The following PCDH11X variants were observed in gnomAD, a reference collection of about 807,000 sequenced individuals.
The protein encoded by PCDH11X is protocadherin 11 X-linked, also known as protocadherin-11 X-linked.
In PCDH11X, 18 loss-of-function variants were observed where a neutral mutation model predicts 53.3. That is an observed-to-expected ratio of 0.34 (90% CI 0.23 to 0.50). The LOEUF (loss-of-function observed/expected upper bound fraction) is 0.50, where lower values mean the gene tolerates loss of function less well. PCDH11X is among the 20% of genes least tolerant of loss of function. The probability of loss-of-function intolerance (pLI) is 0.98; values close to 1 mark genes in which losing one functional copy is unlikely to be tolerated. For synonymous variants in PCDH11X, 279 were observed against 393.3 expected, an observed-to-expected ratio of 0.71 and a Z score of 3.44; for missense variants, 570 against 1,032.4, an observed-to-expected ratio of 0.55 and a Z score of 6.14.
intron 7 of PCDH11X, among the ~76,000 whole-genome samples, chrX:92,217,433 A>G (rs1384512034): frequency 3.0e-5 from 3 of 99,085 alleles, no homozygotes; most frequent in Non-Finnish European, 6.2e-5. Flanking sequence ...CTTTAAACCA[A>G]CAAAGATCAA....
At chrX:92,469,961 A>G (rs1257883338) in intron 10 of PCDH11X, among the ~76,000 whole-genome samples, 1 of 107,424 alleles carries the variant, frequency 9.3e-6, no homozygotes, top group Non-Finnish European at 1.9e-5. Flanking sequence ...ATTATTTTAC[A>G]GGGGTTTGCA....
chrX:92,138,282 G>A (rs1025346219), intron 6 of PCDH11X, among the ~76,000 whole-genome samples: 71 of 110,377 alleles, frequency 6.4e-4, no homozygotes, highest in Admixed American at 1.4e-3. Flanking sequence ...TTGATTCCTT[G>A]TCTTTGCTAT....
intron 6 of PCDH11X, among the ~76,000 whole-genome samples, chrX:92,148,264 C>G (rs2065365354): frequency 1.1e-5 from 1 of 91,469 alleles, no homozygotes; most frequent in Non-Finnish European, 2.1e-5. Flanking sequence ...GAGTCTTGCT[C>G]AGGCTGGAGG....
At chrX:92,421,561 G>T (rs1019432416) in intron 9 of PCDH11X, among the ~76,000 whole-genome samples, 5 of 111,533 alleles carry the variant, frequency 4.5e-5, no homozygotes, top group Non-Finnish European at 9.4e-5. Context: ...GAATAATGCT[G>T]CAATGAACAT....
At chrX:91,855,804 G>A (rs2524483) in intron 5 of PCDH11X, among the ~76,000 whole-genome samples, 3 of 111,156 alleles carry the variant, frequency 2.7e-5, no homozygotes, top group Admixed American at 1.9e-4. Flanking sequence ...CACATTGGTC[G>A]CTGTTGGCAT....
intron 6 of PCDH11X, among the ~76,000 whole-genome samples, chrX:92,158,409 C>T (rs1253375800): frequency 9.2e-6 from 1 of 108,620 alleles, no homozygotes; most frequent in Non-Finnish European, 1.9e-5. Flanking sequence ...ACTCAGGAGG[C>T]TGAGGCACAA....
intron 9 of PCDH11X, among the ~76,000 whole-genome samples, chrX:92,463,787 G>T (rs1324002668): frequency 9.0e-6 from 1 of 110,816 alleles, no homozygotes; most frequent in East Asian, 2.8e-4. Context: ...TTGAATAAAA[G>T]GGCAGAAAAT....
At chrX:92,529,108 T>C (rs918937580) in intron 10 of PCDH11X, among the ~76,000 whole-genome samples, 14 of 111,670 alleles carry the variant, frequency 1.3e-4, no homozygotes, top group Non-Finnish European at 2.3e-4. Context: ...TTTATGGGTT[T>C]ATAGGATGAA....
At chrX:92,534,662 A>G (rs955123182) in intron 10 of PCDH11X, among the ~76,000 whole-genome samples, 6 of 109,944 alleles carry the variant, frequency 5.5e-5, no homozygotes, top group African/African-American at 1.7e-4. Flanking sequence ...GAGAAAGGTC[A>G]GGTTACCCAC....
intron 6 of PCDH11X, among the ~76,000 whole-genome samples, chrX:91,927,336 G>A (rs771099408): frequency 1.0e-4 from 11 of 109,075 alleles, no homozygotes; most frequent in African/African-American, 3.6e-4. Flanking sequence ...GCTTTACATG[G>A]GTTAACTCAT....
intron 10 of PCDH11X, among the ~76,000 whole-genome samples, chrX:92,573,813 G>A (rs1922492720): frequency 9.3e-6 from 1 of 107,537 alleles, no homozygotes; most frequent in South Asian, 4.1e-4. Context: ...GCAGTCATGA[G>A]AATGTAAATT....
intron 8 of PCDH11X, among the ~76,000 whole-genome samples, chrX:92,309,612 T>C (rs188735417): frequency 1.6e-4 from 18 of 112,249 alleles, no homozygotes; most frequent in Admixed American, 4.7e-4. Context: ...ATGTACTTAA[T>C]GCTACTGAAG....
intron 9 of PCDH11X, among the ~76,000 whole-genome samples, chrX:92,406,170 G>A (rs1205566874): frequency 7.2e-4 from 77 of 106,329 alleles, no homozygotes; most frequent in Middle Eastern, 4.9e-3. Context: ...TTATTTATAT[G>A]CATATAGATG....
intron 6 of PCDH11X, among the ~76,000 whole-genome samples, chrX:92,043,726 G>A (rs1209808235): frequency 3.7e-5 from 4 of 107,210 alleles, no homozygotes; most frequent in African/African-American, 6.9e-5. Context: ...ATGTGTAACC[G>A]CCAGTGTACG....
intron 9 of PCDH11X, 116 bp downstream of exon 9, chrX:92,388,049 A>G (rs1603297530): frequency 1.9e-6 from 2 of 1,074,088 alleles, no homozygotes; most frequent in Admixed American, 2.5e-5. Context: ...ATAGTGACAC[A>G]TTTTTGAAAG....
intron 1 of PCDH11X, among the ~76,000 whole-genome samples, chrX:91,795,459 T>A (rs929309992): frequency 1.4e-4 from 15 of 110,608 alleles, no homozygotes; most frequent in Non-Finnish European, 3.8e-5. Context: ...CCCAAAATAG[T>A]CCAGTGTTAA....
chrX:92,148,991 T>G (rs2065381034), intron 6 of PCDH11X, among the ~76,000 whole-genome samples: 1 of 111,342 alleles, frequency 9.0e-6, no homozygotes, highest in Non-Finnish European at 1.9e-5. Flanking sequence ...ATGCTTTCCC[T>G]CACATTATAT....
In PCDH11X at chrX:92,365,274, G is replaced by A. The variant is rs185861042; in HGVS notation, c.3145-22461G>A. Among the ~76,000 whole-genome samples the A allele has an allele frequency of 2.5e-3, 252 of 101,328 alleles. 6 individuals are homozygous for A. In the East Asian group the frequency reaches 0.045, roughly 18 times the overall value. The allele number at this position is 101,328 out of a possible 115,157, so 88.0% of individuals were successfully genotyped here. A position where few individuals can be genotyped will look rare whatever the true frequency, so the allele number is the denominator to read the frequency against. On this transcript the variant is annotated intron_variant, in intron 8 of 10. Transcript: ENST00000682573. The stretch of plus-strand genomic sequence containing the variant: ...TTCTAAAATAACAATTAAAGGTATA[G>A]TATAGAAAATATATAAACCAATAAC...
chrX:92,272,651 G>A, intron 8 of PCDH11X, among the ~76,000 whole-genome samples: 1 of 112,183 alleles, frequency 8.9e-6, no homozygotes, highest in Middle Eastern at 4.6e-3. Context: ...AAGTCTTATA[G>A]GTTCCTGTAG....
Sources: allele counts gnomAD v4.1 joint callset (sites outside exome capture counted in the v4.1 genomes callset), GRCh38; gene constraint gnomAD v4.1.1; transcripts MANE v1.5; gene names NCBI Gene and HGNC (gene_info 2026-07-23, HGNC 2026-07-21).